Variants in F9 observed in about 807,000 individuals in gnomAD.
The protein encoded by F9 is coagulation factor IX.
In F9, 2 loss-of-function variants were observed where a neutral mutation model predicts 34.1. That is an observed-to-expected ratio of 0.06 (90% CI 0.02 to 0.18). The LOEUF (loss-of-function observed/expected upper bound fraction) is 0.18, where lower values mean the gene tolerates loss of function less well. Among genes scored for constraint, F9 ranks in the 10% least tolerant of loss-of-function variants. The pLI, the probability that F9 is intolerant of heterozygous loss-of-function variation, is 1.00. For synonymous variants in F9, 137 were observed against 118.8 expected (o/e 1.15, Z -1.00); for missense variants, 216 against 345.1 (o/e 0.63, Z 2.96).
intron 2 of F9, 88 bp downstream of exon 2, chrX:139,537,261 TCC>T: frequency 9.1e-7 from 1 of 1,104,903 alleles, no homozygotes; most frequent in Non-Finnish European, 1.2e-6. Flanking sequence ...TTTTAAAGCA[TCC>T]ATATATATTT....
At chrX:139,559,342 T>C (rs442833) in intron 6 of F9, among the ~76,000 whole-genome samples, 25,019 of 111,442 alleles carry the variant, frequency 0.22, 2,329 homozygotes, top group African/African-American at 0.33. Flanking sequence ...ATCACGAGGT[T>C]GAGAGATCGA....
At chrX:139,536,188 T>C (rs1012902886) in intron 1 of F9, among the ~76,000 whole-genome samples, 6 of 85,555 alleles carry the variant, frequency 7.0e-5, no homozygotes, top group African/African-American at 2.5e-4. Context: ...TATATATGTG[T>C]ACATATATGT....
chrX:139,557,098 T>A (rs1258597810), intron 6 of F9, among the ~76,000 whole-genome samples: 3 of 112,011 alleles, frequency 2.7e-5, no homozygotes, highest in Non-Finnish European at 5.6e-5. Context: ...GGTTTTTGTG[T>A]ATGTGTGAGT....
intron 2 of F9, 57 bp from the exon 3 acceptor site, chrX:139,537,305 T>A: frequency 8.9e-7 from 1 of 1,127,238 alleles, no homozygotes; most frequent in East Asian, 3.0e-5. Flanking sequence ...AGATAGGAAA[T>A]CAATACCAAA....
In F9 at chrX:139,546,195, G is replaced by A. The variant is rs183381048; in HGVS notation, c.392-2168G>A. Reference sequence around the variant, plus strand: ...TGCAGTATTTGATTTTTGTTCCTACGCTAGTTTCCTAAGGATGATAGCCTC... The same window carrying A: ...TGCAGTATTTGATTTTTGTTCCTACACTAGTTTCCTAAGGATGATAGCCTC... On this transcript the variant is annotated intron_variant, in intron 4 of 7. Coordinates refer to ENST00000218099, the MANE Select transcript of F9 (RefSeq NM_000133.4). Among the ~76,000 whole-genome samples the A allele has an allele frequency of 4.5e-4, 50 of 111,670 alleles. 1 individual carries two copies. Among genetic ancestry groups the A allele is most frequent in the Non-Finnish European group, 7.9e-4 (42 of 53,014 alleles).
intron 6 of F9, among the ~76,000 whole-genome samples, chrX:139,553,015 G>C (rs1464309537): frequency 8.9e-6 from 1 of 112,294 alleles, no homozygotes. Context: ...TATACCTGGG[G>C]ATGGGGTGGT....
At chrX:139,534,012 A>T (rs1927401102) in intron 1 of F9, among the ~76,000 whole-genome samples, 1 of 112,102 alleles carries the variant, frequency 8.9e-6, no homozygotes, top group Non-Finnish European at 1.9e-5. Flanking sequence ...TTTCCTAAAA[A>T]GGGAGAGATC....
At chrX:139,548,610 A>G (rs1927773116) in intron 5 of F9, 119 bp downstream of exon 5, 1 of 762,935 alleles carries the variant, frequency 1.3e-6, no homozygotes, top group African/African-American at 2.1e-5. Context: ...CATAGAAAAT[A>G]TCAGTAGCTT....
At position 139,548,394 on chromosome X, in the gene F9, C is replaced by T. The variant is rs150041781; in HGVS notation, c.423C>T (p.Cys141=). 1.1e-5 allele frequency: 13 copies of T among 1,208,140 alleles called. No individual in the cohort carries two copies. In the East Asian group the frequency reaches 1.2e-4, roughly 11 times the overall value. ...DVTCNIKNGR[C]EQFCKNSADN... ...CATGTAACATTAAGAATGGCAGATG[C>T]GAGCAGTTTTGTAAAAATAGTGCTG... is the stretch of plus-strand genomic sequence containing the variant. The change falls in exon 5 of 8, where the codon TGC becomes TGT. Residue 141 remains cysteine, a synonymous_variant. Coordinates refer to ENST00000218099, the MANE Select transcript of F9 (RefSeq NM_000133.4).
At chrX:139,533,088 G>A (rs1291927095) in intron 1 of F9, among the ~76,000 whole-genome samples, 1 of 111,430 alleles carries the variant, frequency 9.0e-6, no homozygotes, top group African/African-American at 3.3e-5. Context: ...ATCTGCGGGA[G>A]ACATAAAGGC....
At chrX:139,551,392 C>A in intron 6 of F9, 128 bp downstream of exon 6, 1 of 601,543 alleles carries the variant, frequency 1.7e-6, no homozygotes, top group African/African-American at 2.2e-5. Context: ...AGTTTCAGCA[C>A]TAACCAATGT....
At chrX:139,554,144 G>A (rs1927914673) in intron 6 of F9, among the ~76,000 whole-genome samples, 1 of 111,136 alleles carries the variant, frequency 9.0e-6, no homozygotes, top group Admixed American at 9.6e-5. Flanking sequence ...GGAGGGAGAA[G>A]ATATAAATGA....
chrX:139,540,716 G>A, intron 3 of F9, among the ~76,000 whole-genome samples: 1 of 111,646 alleles, frequency 9.0e-6, no homozygotes, highest in Non-Finnish European at 1.9e-5. Flanking sequence ...AATTTGACTT[G>A]GAATTAACTC....
chrX:139,550,067 A>G (rs1365553643), intron 5 of F9, among the ~76,000 whole-genome samples: 1 of 111,660 alleles, frequency 9.0e-6, no homozygotes, highest in Non-Finnish European at 1.9e-5. Context: ...AAGTTCTTCT[A>G]TGCTATAAAA....
intron 7 of F9, 44 bp downstream of exon 7, chrX:139,560,899 T>C: frequency 4.4e-6 from 4 of 913,981 alleles, no homozygotes; most frequent in Non-Finnish European, 6.4e-6. Context: ...CCACTAGCTC[T>C]TTAATATGAT....
At chrX:139,557,145 C>A (rs183963174) in intron 6 of F9, among the ~76,000 whole-genome samples, 107 of 111,709 alleles carry the variant, frequency 9.6e-4, no homozygotes, top group African/African-American at 3.3e-3. Context: ...TAGACTATGA[C>A]TAACAAAAAT....
intron 1 of F9, among the ~76,000 whole-genome samples, chrX:139,532,691 G>T (rs4149662): frequency 0.018 from 2,018 of 111,801 alleles, 48 homozygotes; most frequent in African/African-American, 0.062. Context: ...GATAGAGAGA[G>T]AATATTTTCA....
chrX:139,558,137 G>A (rs888732799), intron 6 of F9, among the ~76,000 whole-genome samples: 5 of 113,582 alleles, frequency 4.4e-5, no homozygotes, highest in Admixed American at 3.7e-4. Context: ...GAGAGTTAAG[G>A]TTGGTCAGGT....
chrX:139,540,360 C>T (rs1927574974), intron 3 of F9, among the ~76,000 whole-genome samples: 2 of 112,113 alleles, frequency 1.8e-5, no homozygotes, highest in Non-Finnish European at 3.8e-5. Flanking sequence ...GAAACATAAC[C>T]AATGCATACA....
Sources: gnomAD v4.1 joint callset for allele counts (sites outside exome capture counted in the v4.1 genomes callset) on GRCh38, gnomAD v4.1.1 for gene constraint, MANE v1.5 for transcripts, NCBI Gene and HGNC (gene_info 2026-07-23, HGNC 2026-07-21) for gene names.